The following ZAN variants were observed in gnomAD, a reference collection of about 807,000 sequenced individuals.
The protein encoded by ZAN is zonadhesin (gene/pseudogene).
In ZAN, 260 loss-of-function variants were observed where a neutral mutation model predicts 286.2. The observed-to-expected ratio is 0.91, with a 90% CI of 0.82 to 1.01. The LOEUF is 1.01. Ranked by LOEUF, ZAN falls within the 50% of genes least tolerant of loss-of-function variation. The probability of loss-of-function intolerance (pLI) is 0.00; values close to 1 mark genes in which losing one functional copy is unlikely to be tolerated. For missense variants in ZAN, 3,410 were observed against 3,639.2 expected (o/e 0.94, Z 1.62); for synonymous variants, 1,368 against 1,417.5 (o/e 0.97, Z 0.79).
intron 17 of ZAN, among the ~76,000 whole-genome samples, chr7:100,759,070 A>G (rs1273076273): frequency 6.6e-6 from 1 of 151,954 alleles, no homozygotes; most frequent in Non-Finnish European, 1.5e-5. Flanking sequence ...CTAAAAATAT[A>G]AAAAATTAGC....
intron 7 of ZAN, among the ~76,000 whole-genome samples, chr7:100,744,910 G>A (rs1808080337): frequency 6.7e-6 from 1 of 149,754 alleles, no homozygotes; most frequent in Non-Finnish European, 1.5e-5. Flanking sequence ...TTTTGAGACA[G>A]TCTCGCTCTG....
rs1402162887 is a variant in ZAN, at chr7:100,758,299, C to A, written c.3407C>A (p.Thr1136Asn). ...ECQISQCGTH[T>N]VCQLKNGQYG... ...CAGATCTCTCAGTGTGGGACACACA[C>A]CGTGTGCCAGCTTAAGAATGGCCAG... The change falls in exon 16 of 48, where the codon ACC (threonine) becomes AAC (asparagine). Residue 1136 changes from threonine to asparagine, a missense_variant. Coordinates refer to ENST00000613979, the MANE Select transcript of ZAN (RefSeq NM_003386.3). 6.2e-7 allele frequency: 1 copy of A among 1,613,322 alleles called. No homozygotes were observed. The highest frequency in any genetic ancestry group is 8.5e-7 in the Non-Finnish European group (1 of 1,179,862).
chr7:100,760,832 C>T (rs1178081101), intron 19 of ZAN, among the ~76,000 whole-genome samples: 1 of 152,168 alleles, frequency 6.6e-6, no homozygotes, highest in Non-Finnish European at 1.5e-5. Flanking sequence ...AGGGCAGTCA[C>T]CTGGTCCCAT....
chr7:100,761,233 A>G (rs1022713797), intron 19 of ZAN, among the ~76,000 whole-genome samples: 3 of 152,152 alleles, frequency 2.0e-5, no homozygotes, highest in Admixed American at 2.0e-4. Context: ...GGCCAGGTGC[A>G]GGGGTTCCCG....
chr7:100,753,126 C>G lies in ZAN; in HGVS notation c.3021C>G (p.Pro1007=). The change falls in exon 14 of 48, where the codon CCC becomes CCG. Residue 1007 remains proline, a synonymous_variant. Coordinates refer to ENST00000613979, the MANE Select transcript of ZAN (RefSeq NM_003386.3). ...LTALRPPHPS[P]TATGLAALVM... ...CCCTGAGGCCACCCCATCCCAGCCC[C>G]ACAGCCACTGGGCTGGCAGCCTTGG... is the stretch of plus-strand genomic sequence containing the variant. 6.2e-7 allele frequency: 1 copy of G among 1,613,994 alleles called. No individual in the cohort carries two copies. The highest frequency in any genetic ancestry group is 8.5e-7 in the Non-Finnish European group (1 of 1,179,890).
At chr7:100,755,180 A>C (rs1809052118) in intron 14 of ZAN, 46 bp from the exon 15 acceptor site, 1 of 1,564,782 alleles carries the variant, frequency 6.4e-7, no homozygotes, top group Admixed American at 1.9e-5. Context: ...AGACTCCCTG[A>C]GAAAGCCATG....
chr7:100,770,249 A>C (rs943477198), intron 28 of ZAN, among the ~76,000 whole-genome samples: 10 of 151,712 alleles, frequency 6.6e-5, no homozygotes, highest in Non-Finnish European at 1.3e-4. Flanking sequence ...TCATGCCTGT[A>C]ATCCCAGTAC....
chr7:100,773,404 G>C lies in ZAN; in HGVS notation c.5545G>C (p.Glu1849Gln), dbSNP rs1810523374. 6.2e-7 allele frequency: 1 copy of C among 1,613,914 alleles called. No homozygotes were observed. The highest frequency in any genetic ancestry group is 1.7e-5 in the Admixed American group (1 of 59,988). Residue 1849 changes from glutamate (E) to glutamine (Q), a missense_variant, in exon 30 of 48, where the codon GAA becomes CAA. Coordinates refer to ENST00000613979, the MANE Select transcript of ZAN (RefSeq NM_003386.3). ...AGCACTGCCCTGTGCTGAGAGCTGT[G>C]AATGTCAGAAAGGCCACATCTTGAG... ...PKALPCAESC[E>Q]CQKGHILSGT...
chr7:100,738,939 C>T lies in ZAN; in HGVS notation c.766+326C>T, dbSNP rs375692185. Among the ~76,000 whole-genome samples the T allele has an allele frequency of 7.7e-3, 25 of 3,252 alleles. 2 individuals are homozygous for T. The South Asian group carries it at 0.12, about 16-fold the overall frequency. The allele number at this position is 3,252 out of a possible 152,430, so 2.1% of individuals were successfully genotyped here. A position where few individuals can be genotyped will look rare whatever the true frequency, so the allele number is the denominator to read the frequency against. On this transcript the variant is annotated intron_variant, in intron 7 of 47. Transcript: ENST00000613979. The stretch of plus-strand genomic sequence containing the variant: ...CCTCTCCCTCTCCCTCTCCCTCTCC[C>T]TCTCCCTCTCCCTCTCCCTCTCCCT...
rs369009637 is a variant in ZAN, at chr7:100,795,231, G to A, written c.8161G>A (p.Gly2721Arg). 2.6e-5 allele frequency: 42 copies of A among 1,610,960 alleles called. 1 individual carries two copies. The South Asian group carries it at 2.6e-4, about 10-fold the overall frequency. The change falls in exon 45 of 48, where the codon GGG (glycine) becomes AGG (arginine). Residue 2721 changes from glycine to arginine, a missense_variant. Gly to Arg is a moderately radical substitution (Grantham distance 125). Around this residue, in one of 7 missense-constraint regions of ZAN, gnomAD observed 1,289 missense variants for 1,314.3 expected, o/e 0.98. Transcript: ENST00000613979. Reference protein sequence around the residue: ...PCLQNPCQNDGQCREQGATFT... With the variant: ...PCLQNPCQNDRQCREQGATFT... ...TCTGCAGAACCCCTGTCAGAATGAC[G>A]GGCAGTGTCGGGAGCAGGGAGCCAC...
Position 100,752,648 on chromosome 7 carries a change from A to G in ZAN, c.2543A>G (p.Glu848Gly), listed in dbSNP as rs780531169. Reference protein sequence around the residue: ...ISTEKLTIPMEKPTISTEKPT... With the variant: ...ISTEKLTIPMGKPTISTEKPT... ...ACAGAAAAACTCACCATCCCCATGG[A>G]AAAACCCACCATCTCCACAGAAAAA... The change falls in exon 14 of 48, where the codon GAA becomes GGA. Residue 848 changes from glutamate (E) to glycine (G), a missense_variant. This residue lies in a region of ZAN where 90 missense variants were observed against 87.1 expected (regional missense o/e 1.03). Coordinates refer to ENST00000613979, the MANE Select transcript of ZAN (RefSeq NM_003386.3). 5 of 1,611,916 alleles carry G rather than the reference A, an allele frequency of 3.1e-6. No homozygotes were observed. The Admixed American group carries it at 8.4e-5, about 27-fold the overall frequency.
chr7:100,784,248 G>C (rs969557458), intron 35 of ZAN, among the ~76,000 whole-genome samples: 20 of 150,278 alleles, frequency 1.3e-4, no homozygotes, highest in Admixed American at 1.3e-4. Context: ...TCCTGCCTCA[G>C]CCTCCTGAGT....
At position 100,762,384 on chromosome 7, in the gene ZAN, G is replaced by A. The variant is rs202005411; in HGVS notation, c.3986+26G>A. On this transcript the variant is annotated intron_variant, in intron 20 of 47. Transcript: ENST00000613979. The stretch of plus-strand genomic sequence containing the variant: ...GTGAGCAAGGAGCCCTCCCACCGGG[G>A]CCCTGGGAAGGTTCCGTCCCCTTCC... 123 of 1,581,674 alleles carry A rather than the reference G, an allele frequency of 7.8e-5. No homozygotes were observed. In the Admixed American group the frequency reaches 2.0e-3, roughly 25 times the overall value.
At chr7:100,757,182 G>T (rs972241604) in intron 15 of ZAN, among the ~76,000 whole-genome samples, 3 of 151,842 alleles carry the variant, frequency 2.0e-5, no homozygotes, top group Non-Finnish European at 1.5e-5. Context: ...TAGAGATGGG[G>T]TCTGGCTCTG....
chr7:100,746,499 A>G (rs1233263360), intron 7 of ZAN, 39 bp from the exon 8 acceptor site: 1 of 1,608,750 alleles, frequency 6.2e-7, no homozygotes, highest in Admixed American at 1.7e-5. Context: ...TCTTCCCTCA[A>G]TTCCATCCAC....
At chr7:100,755,541 A>G (rs1188764170) in intron 15 of ZAN, 131 bp downstream of exon 15, 1 of 1,037,104 alleles carries the variant, frequency 9.6e-7, no homozygotes, top group East Asian at 2.5e-5. Flanking sequence ...GCTCAGAAGC[A>G]ATGGTTACAT....
Position 100,786,026 on chromosome 7 carries a change from C to T in ZAN, c.6864C>T (p.Cys2288=). ...PLGKSWVSSG[C]TEKCVCTGGA... ...GCAAGAGCTGGGTCTCCAGCGGTTG[C>T]ACGGAGAAGTGTGTCTGCACGGGAG... is the stretch of plus-strand genomic sequence containing the variant. The change falls in exon 37 of 48, where the codon TGC becomes TGT. Residue 2288 remains cysteine (C), a synonymous_variant. Coordinates refer to ENST00000613979, the MANE Select transcript of ZAN (RefSeq NM_003386.3). 1 of 1,613,924 alleles carries T rather than the reference C, an allele frequency of 6.2e-7. No individual in the cohort carries two copies. The highest frequency in any genetic ancestry group is 8.5e-7 in the Non-Finnish European group (1 of 1,179,890).
intron 31 of ZAN, 130 bp from the exon 32 acceptor site, chr7:100,775,198 C>T: frequency 1.5e-6 from 2 of 1,363,586 alleles, no homozygotes. Context: ...CAGGCATGAG[C>T]CACTGCGCAC....
At chr7:100,755,083 C>G (rs1809046032) in intron 14 of ZAN, 143 bp from the exon 15 acceptor site, 1 of 977,394 alleles carries the variant, frequency 1.0e-6, no homozygotes, top group Admixed American at 2.6e-5. Flanking sequence ...AGCCACCGCA[C>G]CCAGCCTTCA....
Sources: gnomAD v4.1 joint callset for allele counts (sites outside exome capture counted in the v4.1 genomes callset) on GRCh38, gnomAD v4.1.1 for gene constraint, gnomAD v4.1.1 regional missense constraint, MANE v1.5 for transcripts, NCBI Gene and HGNC (gene_info 2026-07-23, HGNC 2026-07-21) for gene names.